The following FANCI variants were observed in gnomAD, a reference collection of about 807,000 sequenced individuals.
The protein encoded by FANCI is Fanconi anemia group I protein.
Under a neutral mutation model 176.1 loss-of-function variants are expected in FANCI, and 156 were observed. The observed-to-expected ratio is 0.89, with a 90% confidence interval of 0.78 to 1.01. The LOEUF is 1.01. FANCI is among the 50% of genes least tolerant of loss of function. The pLI, the probability that FANCI is intolerant of heterozygous loss-of-function variation, is 0.00. For missense variants in FANCI, 1,678 were observed against 1,534.1 expected (o/e 1.09, Z -1.57); for synonymous variants, 613 against 541.7 (o/e 1.13, Z -1.83).
At chr15:89,244,694 G>A (rs748549210) in intron 1 of FANCI, among the ~76,000 whole-genome samples, 4 of 152,202 alleles carry the variant, frequency 2.6e-5, no homozygotes, top group Admixed American at 6.5e-5. Flanking sequence ...CAAAGCATGG[G>A]ATCTTGGAGT....
intron 24 of FANCI, among the ~76,000 whole-genome samples, chr15:89,296,700 A>G (rs1403484084): frequency 6.6e-6 from 1 of 152,044 alleles, no homozygotes; most frequent in Non-Finnish European, 1.5e-5. Flanking sequence ...GTTCTCAATG[A>G]GCTGTTGGGT....
chr15:89,305,710 TCAA>T lies in FANCI; in HGVS notation c.3349+14_3349+16del, dbSNP rs777811117. 1.9e-6 allele frequency: 3 copies of T among 1,612,400 alleles called. No homozygotes were observed. In the South Asian group the frequency reaches 3.3e-5, roughly 18 times the overall value. ...AGAAACCTTATCAGGTAAGATAAGT[TCAA>T]CTGGGATTCCAGGAATTGACATGAG... On this transcript the variant is annotated intron_variant, in intron 31 of 37. Transcript: ENST00000310775.
chr15:89,296,346 G>A (rs562226075), intron 24 of FANCI, among the ~76,000 whole-genome samples: 32 of 149,914 alleles, frequency 2.1e-4, no homozygotes, highest in East Asian at 1.4e-3. Flanking sequence ...GGGCTCAAGC[G>A]ATACGCCCAT....
At position 89,273,443 on chromosome 15, in the gene FANCI, A is replaced by C. The variant is rs2053279211; in HGVS notation, c.949A>C (p.Thr317Pro). The C allele has an allele frequency of 1.9e-6, 3 of 1,604,426 alleles. No homozygotes were observed. Among genetic ancestry groups the C allele is most frequent in the Non-Finnish European group, 2.6e-6 (3 of 1,172,648 alleles). Residue 317 changes from threonine to proline, a missense_variant, in exon 11 of 38, where the codon ACA (threonine) becomes CCA (proline). By Grantham distance (38) the Thr-to-Pro change is conservative. Around this residue, in one of 3 missense-constraint regions of FANCI, gnomAD observed 469 missense variants for 436.9 expected, o/e 1.07. Coordinates refer to ENST00000310775, the MANE Select transcript of FANCI (RefSeq NM_001113378.2). ...CAGCATTGCTCTTCTTCTGTCTGTA[A>C]CAAGAATACAAAGATTTCAGGACCA... ...PFSIALLLSVTRIQRFQDQVL... is the reference protein window; with the variant it reads ...PFSIALLLSVPRIQRFQDQVL...
intron 24 of FANCI, among the ~76,000 whole-genome samples, chr15:89,297,216 C>T (rs1297215872): frequency 1.3e-5 from 2 of 151,358 alleles, no homozygotes; most frequent in Non-Finnish European, 2.9e-5. Flanking sequence ...GGGGCAGAGG[C>T]GCTCCCCACA....
At chr15:89,293,244 T>C (rs992689726) in intron 22 of FANCI, among the ~76,000 whole-genome samples, 181 bp downstream of exon 22, 12 of 152,192 alleles carry the variant, frequency 7.9e-5, no homozygotes, top group African/African-American at 2.7e-4. Context: ...AAGTATATGC[T>C]TACCAGGCCT....
At chr15:89,300,020 A>G in intron 25 of FANCI, 54 bp downstream of exon 25, 3 of 1,586,906 alleles carry the variant, frequency 1.9e-6, no homozygotes, top group Middle Eastern at 3.4e-4. Context: ...CCTTAGCTCA[A>G]CCCCTTAATT....
At chr15:89,300,520 G>C (rs2054488233) in intron 26 of FANCI, 135 bp downstream of exon 26, 1 of 723,788 alleles carries the variant, frequency 1.4e-6, no homozygotes, top group Non-Finnish European at 2.5e-6. Context: ...CAGGCAACAG[G>C]ACATAGCTCT....
At chr15:89,272,357 A>G (rs1219377868) in intron 10 of FANCI, among the ~76,000 whole-genome samples, 1 of 152,054 alleles carries the variant, frequency 6.6e-6, no homozygotes, top group Admixed American at 6.6e-5. Flanking sequence ...TTATTTTTTC[A>G]ATAACTTTGT....
In FANCI at chr15:89,305,628, G is replaced by C; in HGVS notation, c.3279G>C (p.Glu1093Asp). ...AGTTACTTGTTCTGAGTCAGGCCGAGAAGGTTCTAGAAGAAGTGGACTGGC... is the reference window on the plus strand; with the variant it reads ...AGTTACTTGTTCTGAGTCAGGCCGACAAGGTTCTAGAAGAAGTGGACTGGC... ...TVCLLVLSQAEKVLEEVDWLI... is the reference protein window; with the variant it reads ...TVCLLVLSQADKVLEEVDWLI... The change falls in exon 31 of 38, where the codon GAG becomes GAC. Residue 1093 changes from glutamate (E) to aspartate (D), a missense_variant. Transcript: ENST00000310775. 1 of 1,614,222 alleles carries C rather than the reference G, an allele frequency of 6.2e-7. No homozygotes were observed.
chr15:89,316,688 T>C lies in FANCI; in HGVS notation c.*229T>C, dbSNP rs552236933. 7.5e-4 allele frequency: 1,037 copies of C among 1,383,740 alleles called. 1 individual carries two copies. Among genetic ancestry groups the C allele is most frequent in the Non-Finnish European group, 9.4e-4 (919 of 976,416 alleles). 85.7% of individuals were successfully genotyped at this position (1,383,740 alleles called of 1,614,324 possible). A position where few individuals can be genotyped will look rare whatever the true frequency, so the allele number is the denominator to read the frequency against. On this transcript the variant is annotated 3_prime_UTR_variant, in exon 38 of 38. Transcript: ENST00000310775. ...CAAAAAGCACAGCTGAAAGCCTGAG[T>C]TTGGGAGCCTGCACCACCCCGATGA...
chr15:89,265,059 A>G (rs894351787), intron 9 of FANCI, among the ~76,000 whole-genome samples: 1 of 152,156 alleles, frequency 6.6e-6, no homozygotes, highest in Non-Finnish European at 1.5e-5. Flanking sequence ...GTCAGGGAAA[A>G]CCTCTCTCAG....
chr15:89,263,109 A>G (rs2052784587), intron 6 of FANCI, among the ~76,000 whole-genome samples: 1 of 152,202 alleles, frequency 6.6e-6, no homozygotes, highest in African/African-American at 2.4e-5. Flanking sequence ...AATTGGGTAG[A>G]TCTGTGATTA....
At chr15:89,277,009 G>A (rs939276348) in intron 13 of FANCI, 118 bp downstream of exon 13, 6 of 983,392 alleles carry the variant, frequency 6.1e-6, no homozygotes, top group Non-Finnish European at 9.7e-6. Context: ...GTTTGACAGA[G>A]GATATATGAC....
chr15:89,244,210 T>G (rs2051839500), intron 1 of FANCI, 177 bp downstream of exon 1: 1 of 152,522 alleles, frequency 6.6e-6, no homozygotes, highest in Admixed American at 6.5e-5. Context: ...TGCCTCAGCT[T>G]TCGCGGTTCC....
intron 2 of FANCI, among the ~76,000 whole-genome samples, chr15:89,257,262 A>C (rs146994349): frequency 7.2e-4 from 109 of 152,216 alleles, no homozygotes; most frequent in African/African-American, 2.5e-3. Flanking sequence ...AGGAATTTCT[A>C]TTCTTAGTTC....
Position 89,268,269 on chromosome 15 carries a change from A to AT in FANCI, c.756-125dup. On this transcript the variant is annotated intron_variant, in intron 9 of 37. Coordinates refer to ENST00000310775, the MANE Select transcript of FANCI (RefSeq NM_001113378.2). ...CACCACATCGGGCTGATTTTTTTGTATTTTTAGTAGAGGCTGGTCTTGAAC... is the reference window on the plus strand; with the variant it reads ...CACCACATCGGGCTGATTTTTTTGTATTTTTTAGTAGAGGCTGGTCTTGAAC... 17 of 961,874 alleles carry AT rather than the reference A, an allele frequency of 1.8e-5. No homozygotes were observed. The South Asian group carries it at 2.2e-4, about 13-fold the overall frequency. The allele number at this position is 961,874 out of a possible 1,614,324, so 59.6% of individuals were successfully genotyped here.
intron 6 of FANCI, 121 bp from the exon 7 acceptor site, chr15:89,263,298 T>G: frequency 1.3e-6 from 1 of 762,356 alleles, no homozygotes; most frequent in Non-Finnish European, 2.3e-6. Flanking sequence ...TTATTTGATC[T>G]TGTTTCTCGG....
chr15:89,304,826 G>A (rs1477267486), intron 28 of FANCI, among the ~76,000 whole-genome samples: 1 of 151,900 alleles, frequency 6.6e-6, no homozygotes, highest in East Asian at 1.9e-4. Context: ...GCCCAGGCAG[G>A]AATGCAATGG....
Sources: allele counts gnomAD v4.1 joint callset (sites outside exome capture counted in the v4.1 genomes callset), GRCh38; gene constraint gnomAD v4.1.1; regional missense constraint gnomAD v4.1.1; transcripts MANE v1.5; gene names NCBI Gene and HGNC (gene_info 2026-07-23, HGNC 2026-07-21).